Variants in HERC4 observed in about 807,000 individuals in gnomAD.
HERC4 encodes the protein HECT and RLD domain containing E3 ubiquitin protein ligase 4, also known as probable E3 ubiquitin-protein ligase HERC4.
A neutral mutation model predicts 124.3 loss-of-function variants in HERC4; 28 were observed. The ratio of observed to expected loss-of-function variants is 0.23; its 90% CI spans 0.17 to 0.31. HERC4 has a LOEUF of 0.31. HERC4 is among the 10% of genes least tolerant of loss of function. HERC4 has a pLI of 1.00. For missense variants in HERC4, 713 were observed against 1,229.3 expected (o/e 0.58, Z 6.28); for synonymous variants, 407 against 421.5 (o/e 0.97, Z 0.42).
At chr10:68,006,867 T>A (rs2133033897) in intron 9 of HERC4, among the ~76,000 whole-genome samples, 1 of 152,352 alleles carries the variant, frequency 6.6e-6, no homozygotes, top group East Asian at 1.9e-4. Flanking sequence ...AGCCCCATTG[T>A]ATACTGTTTC....
At chr10:67,946,342 AACACAAAC>A in intron 19 of HERC4, among the ~76,000 whole-genome samples, 1 of 99,486 alleles carries the variant, frequency 1.0e-5, no homozygotes. Context: ...AAATGGATAA[AACACAAAC>A]ACACACACAC....
chr10:67,974,107 CACACACACACACATACACACAG>C (rs1564492939), intron 15 of HERC4, among the ~76,000 whole-genome samples: 1 of 145,270 alleles, frequency 6.9e-6, no homozygotes, highest in East Asian at 2.2e-4. Flanking sequence ...CACACACACA[CACACACACACACATACACACAG>C]GGTCAGGAAA....
At position 68,059,843 on chromosome 10, in the gene HERC4, T is replaced by TATATCATAATATTATATATTATA. The variant is rs1564609908; in HGVS notation, c.226+13039_226+13040insTATAATATATAATATTATGATAT. ...TATATCATAATATTATATATTATAA[T>TATATCATAATATTATATATTATA]ATATTATATATCATAATATTATATA... On this transcript the variant is annotated intron_variant, in intron 3 of 24. Coordinates refer to ENST00000373700, the MANE Select transcript of HERC4 (RefSeq NM_015601.4). Among the ~76,000 whole-genome samples, 280 of 26,306 alleles carry TATATCATAATATTATATATTATA rather than the reference T, an allele frequency of 0.011. 78 individuals are homozygous for TATATCATAATATTATATATTATA. In the African/African-American group the frequency reaches 0.11, roughly 11 times the overall value. 17.3% of individuals were successfully genotyped at this position (26,306 alleles called of 152,430 possible). A position where few individuals can be genotyped will look rare whatever the true frequency, so the allele number is the denominator to read the frequency against.
chr10:68,001,248 T>A (rs2037213167), intron 9 of HERC4, among the ~76,000 whole-genome samples: 1 of 151,856 alleles, frequency 6.6e-6, no homozygotes, highest in South Asian at 2.1e-4. Context: ...AGCAAACACC[T>A]GTAGTTCCAG....
At chr10:68,027,501 T>C (rs2038964986) in intron 7 of HERC4, among the ~76,000 whole-genome samples, 1 of 152,258 alleles carries the variant, frequency 6.6e-6, no homozygotes, top group Non-Finnish European at 1.5e-5. Flanking sequence ...CACCATACTA[T>C]ACCACGTTCA....
chr10:67,960,149 T>C (rs2034412643), intron 16 of HERC4, among the ~76,000 whole-genome samples: 1 of 152,204 alleles, frequency 6.6e-6, no homozygotes, highest in East Asian at 1.9e-4. Flanking sequence ...GGGAGCAGGA[T>C]GTGATTGAAC....
chr10:68,017,102 C>T (rs150792900), intron 8 of HERC4, among the ~76,000 whole-genome samples: 107 of 152,162 alleles, frequency 7.0e-4, no homozygotes, highest in Middle Eastern at 3.4e-3. Context: ...TTTTGGTCAA[C>T]GAGATTTCAG....
At chr10:67,943,240 T>C (rs889812293) in intron 19 of HERC4, among the ~76,000 whole-genome samples, 3 of 152,208 alleles carry the variant, frequency 2.0e-5, no homozygotes, top group African/African-American at 7.2e-5. Flanking sequence ...ATAAAGTTCT[T>C]AAATAGAGCA....
At chr10:67,966,428 GT>G (rs1022116733) in intron 16 of HERC4, 9 of 317,844 alleles carry the variant, frequency 2.8e-5, no homozygotes, top group South Asian at 4.9e-5. Flanking sequence ...ACACTTGTAG[GT>G]TTTTTTTGTC....
intron 21 of HERC4, among the ~76,000 whole-genome samples, chr10:67,937,610 G>T (rs972694198): frequency 6.6e-6 from 1 of 151,202 alleles, no homozygotes; most frequent in Non-Finnish European, 1.5e-5. Context: ...TAATTTTATG[G>T]TCACCTTATT....
At chr10:67,959,622 T>C (rs144016471) in intron 16 of HERC4, among the ~76,000 whole-genome samples, 1 of 152,260 alleles carries the variant, frequency 6.6e-6, no homozygotes, top group East Asian at 1.9e-4. Context: ...CCATAAATTG[T>C]TTTTATTTGA....
intron 3 of HERC4, among the ~76,000 whole-genome samples, chr10:68,057,623 C>CA (rs770527997): frequency 2.3e-3 from 229 of 100,178 alleles, no homozygotes; most frequent in Middle Eastern, 6.4e-3. Context: ...GACTCTGTCT[C>CA]AAAAAAAAAA....
At chr10:67,927,408 ATATATATATATATATATATATAT>A (rs2031169354) in intron 23 of HERC4, among the ~76,000 whole-genome samples, 2 of 9,478 alleles carry the variant, frequency 2.1e-4, no homozygotes, top group South Asian at 4.3e-3. Context: ...ATATATATAT[ATATATATATATATATATATATAT>A]TTTTTTTTTT....
chr10:68,053,282 C>G (rs1311800966), intron 3 of HERC4, among the ~76,000 whole-genome samples: 1 of 151,354 alleles, frequency 6.6e-6, no homozygotes, highest in African/African-American at 2.4e-5. Context: ...TTTAAAACAT[C>G]TTATTTAATA....
At chr10:67,930,531 G>C (rs895464578) in intron 23 of HERC4, among the ~76,000 whole-genome samples, 1 of 152,050 alleles carries the variant, frequency 6.6e-6, no homozygotes, top group Admixed American at 6.6e-5. Context: ...TATCCCCATC[G>C]GCAACATATA....
intron 1 of HERC4, chr10:68,074,672 G>A (rs1316825353): frequency 6.6e-6 from 1 of 152,332 alleles, no homozygotes; most frequent in Non-Finnish European, 1.5e-5. Flanking sequence ...CCAAGCAGAC[G>A]ACTACCGCAA....
chr10:67,968,016 T>C (rs1475594121), intron 15 of HERC4, among the ~76,000 whole-genome samples: 1 of 151,894 alleles, frequency 6.6e-6, no homozygotes, highest in East Asian at 1.9e-4. Flanking sequence ...GCACTAACAA[T>C]TATAAACTCT....
At chr10:67,994,428 T>A (rs1428877699) in intron 9 of HERC4, 1 of 152,198 alleles carries the variant, frequency 6.6e-6, no homozygotes, top group Non-Finnish European at 1.5e-5. Flanking sequence ...TTCCTTTTTT[T>A]ATTTTTATTT....
chr10:68,048,018 A>G (rs1315482984), intron 3 of HERC4, among the ~76,000 whole-genome samples: 1 of 151,674 alleles, frequency 6.6e-6, no homozygotes, highest in African/African-American at 2.4e-5. Context: ...TCCCAGGCTC[A>G]AGCAATCCTC....
Sources: allele counts gnomAD v4.1 joint callset (sites outside exome capture counted in the v4.1 genomes callset), GRCh38; gene constraint gnomAD v4.1.1; transcripts MANE v1.5; gene names NCBI Gene and HGNC (gene_info 2026-07-23, HGNC 2026-07-21).